DBF4: variants seen among roughly 807,000 people sequenced by gnomAD.
DBF4 encodes the protein protein DBF4 homolog A.
A neutral mutation model predicts 76.6 loss-of-function variants in DBF4; 25 were observed. The observed-to-expected ratio is 0.33, with a 90% CI of 0.24 to 0.46. The LOEUF is 0.46. DBF4 is among the 20% of genes least tolerant of loss of function. The pLI is 1.00. For synonymous variants in DBF4, 213 were observed against 258.0 expected (o/e 0.83, Z 1.67); for missense variants, 638 against 760.8 (o/e 0.84, Z 1.90).
rs1839964951 is a variant in DBF4, at chr7:87,908,507, T to C, written c.*344T>C. 6.2e-6 allele frequency: 1 copy of C among 160,650 alleles called. No homozygotes were observed. Among genetic ancestry groups the C allele is most frequent in the African/African-American group, 2.4e-5 (1 of 41,894 alleles). The allele number at this position is 160,650 out of a possible 1,614,324, so 10.0% of individuals were successfully genotyped here. ...TATACATTTGGATATTCTAGTTGTA[T>C]TGTAAATTTTAAAAGATTATCAGGA... On this transcript the variant is annotated 3_prime_UTR_variant, in exon 12 of 12. Coordinates refer to ENST00000265728, the MANE Select transcript of DBF4 (RefSeq NM_006716.4).
chr7:87,894,670 T>G (rs1423184588), intron 6 of DBF4, among the ~76,000 whole-genome samples: 1 of 152,166 alleles, frequency 6.6e-6, no homozygotes, highest in Non-Finnish European at 1.5e-5. Context: ...GATCATATCT[T>G]TACTGGAAAA....
At chr7:87,903,266 G>A (rs1284336133) in intron 10 of DBF4, among the ~76,000 whole-genome samples, 2 of 152,076 alleles carry the variant, frequency 1.3e-5, no homozygotes, top group South Asian at 2.1e-4. Flanking sequence ...TTTTAGTAGA[G>A]ACGGGATTTC....
intron 11 of DBF4, among the ~76,000 whole-genome samples, chr7:87,906,001 A>G (rs76611390): frequency 1.1e-4 from 15 of 141,514 alleles, no homozygotes; most frequent in South Asian, 2.2e-4. Flanking sequence ...ATCTCCACTG[A>G]AAAAAAAAAA....
At chr7:87,906,924 G>T (rs1209694609) in intron 11 of DBF4, among the ~76,000 whole-genome samples, 1 of 152,080 alleles carries the variant, frequency 6.6e-6, no homozygotes, top group Admixed American at 6.6e-5. Context: ...CAGGATATTG[G>T]TTATCTGGGA....
At chr7:87,888,252 A>G (rs763386057) in intron 6 of DBF4, 193 bp downstream of exon 6, 466 of 973,532 alleles carry the variant, frequency 4.8e-4, no homozygotes, top group Non-Finnish European at 5.4e-4. Flanking sequence ...TGTTCCTGGA[A>G]TAGTGGCATA....
chr7:87,903,624 GAAGACAAAGT>G (rs1480927188), intron 10 of DBF4, among the ~76,000 whole-genome samples: 1 of 150,230 alleles, frequency 6.7e-6, no homozygotes, highest in African/African-American at 2.4e-5. Context: ...ATAATTGCAT[GAAGACAAAGT>G]AATAGAGGGA....
rs563694660 is a variant in DBF4 at position 87,898,021 on chromosome 7, G to A, written c.680+682G>A. 4.6e-5 allele frequency among the ~76,000 whole-genome samples: 7 copies of A among 152,228 alleles called. No individual in the cohort carries two copies. The East Asian group carries it at 5.8e-4, about 13-fold the overall frequency. ...TCTAACTCTTGACCTCAAGTGATCC[G>A]CCTGCCTCAGCCTCCCAAAGTGCGG... On this transcript the variant is annotated intron_variant, in intron 8 of 11. Coordinates refer to ENST00000265728, the MANE Select transcript of DBF4 (RefSeq NM_006716.4).
At chr7:87,906,441 T>A (rs1839918417) in intron 11 of DBF4, among the ~76,000 whole-genome samples, 1 of 152,128 alleles carries the variant, frequency 6.6e-6, no homozygotes, top group South Asian at 2.1e-4. Context: ...GGAAAAATTG[T>A]ATTATTTCTC....
At chr7:87,904,883 C>T (rs1000569876) in intron 11 of DBF4, among the ~76,000 whole-genome samples, 7 of 152,300 alleles carry the variant, frequency 4.6e-5, no homozygotes, top group South Asian at 4.1e-4. Flanking sequence ...TATCAAAGAT[C>T]CTTACCTTAG....
chr7:87,901,337 AG>A (rs1323978246), intron 10 of DBF4, among the ~76,000 whole-genome samples: 1 of 152,190 alleles, frequency 6.6e-6, no homozygotes, highest in African/African-American at 2.4e-5. Context: ...TATTGAGATA[AG>A]TAAGTGCAAA....
intron 2 of DBF4, among the ~76,000 whole-genome samples, chr7:87,881,145 G>A (rs547432699): frequency 1.3e-5 from 2 of 152,308 alleles, no homozygotes; most frequent in African/African-American, 4.8e-5. Flanking sequence ...GGAGGCTCAC[G>A]CATGTAATCC....
At position 87,902,480 on chromosome 7, in the gene DBF4, T is replaced by C. The variant is rs924300660; in HGVS notation, c.924+1602T>C. On this transcript the variant is annotated intron_variant, in intron 10 of 11. Coordinates refer to ENST00000265728, the MANE Select transcript of DBF4 (RefSeq NM_006716.4). ...TGGCAGTGTAGATAGATAGAAAATATGTATTTGCAAGTGTGATGAGTTTCA... is the reference window on the plus strand; with the variant it reads ...TGGCAGTGTAGATAGATAGAAAATACGTATTTGCAAGTGTGATGAGTTTCA... Among the ~76,000 whole-genome samples the C allele has an allele frequency of 2.6e-5, 4 of 152,206 alleles. No individual in the cohort carries two copies. In the East Asian group the frequency reaches 5.8e-4, roughly 22 times the overall value.
intron 2 of DBF4, among the ~76,000 whole-genome samples, chr7:87,883,458 C>T (rs187070565): frequency 5.9e-5 from 9 of 152,050 alleles, no homozygotes; most frequent in Non-Finnish European, 1.0e-4. Context: ...TATAGGAGAT[C>T]GGGTTTCTTA....
chr7:87,901,027 A>T, intron 10 of DBF4, 149 bp downstream of exon 10: 1 of 656,220 alleles, frequency 1.5e-6, no homozygotes. Context: ...TATTCAGCAA[A>T]TACTGAGCGT....
In DBF4 at chr7:87,876,546, C is replaced by G; in HGVS notation, c.-187C>G. The G allele has an allele frequency of 1.6e-6, 1 of 625,888 alleles. No homozygotes were observed. Among genetic ancestry groups the G allele is most frequent in the Non-Finnish European group, 2.8e-6 (1 of 354,098 alleles). 38.8% of individuals were successfully genotyped at this position (625,888 alleles called of 1,614,324 possible). A position where few individuals can be genotyped will look rare whatever the true frequency, so the allele number is the denominator to read the frequency against. On this transcript the variant is annotated 5_prime_UTR_variant, in exon 1 of 12. Transcript: ENST00000265728. ...TTGTGCTTTGCGCCTTCCTCCTCCG[C>G]GCCTTGGAGCCGGATCCGGCCCCGG...
chr7:87,881,510 A>G (rs1839213250), intron 2 of DBF4, among the ~76,000 whole-genome samples: 1 of 152,262 alleles, frequency 6.6e-6, no homozygotes, highest in Non-Finnish European at 1.5e-5. Flanking sequence ...TAATAATACA[A>G]CATAGAATGT....
rs755702920 is a variant in DBF4, at chr7:87,888,077, A to G, written c.597+18A>G. 3.0e-5 allele frequency: 47 copies of G among 1,542,386 alleles called. No homozygotes were observed. Among genetic ancestry groups the G allele is most frequent in the Admixed American group, 9.2e-5 (4 of 43,348 alleles). ...GAGATGGGGTATGTTTTCTTTTTCA[A>G]TTTTTAAAGTGACCAAGCTTGGTTT... On this transcript the variant is annotated intron_variant, in intron 6 of 11. Transcript: ENST00000265728.
In DBF4 at chr7:87,896,461, T is replaced by G. The variant is rs1554326824; in HGVS notation, c.598-13T>G. ...TTTCAAAGCCAATCTTTTCACTATA[T>G]ATTTTTTTTTAGGGCAAAAGAGTTG... On this transcript the variant is annotated splice_polypyrimidine_tract_variant and intron_variant, in intron 6 of 11. Coordinates refer to ENST00000265728, the MANE Select transcript of DBF4 (RefSeq NM_006716.4). 3 of 1,604,480 alleles carry G rather than the reference T, an allele frequency of 1.9e-6. No homozygotes were observed. Among genetic ancestry groups the G allele is most frequent in the Non-Finnish European group, 2.6e-6 (3 of 1,173,736 alleles).
At chr7:87,879,047 ATTC>A (rs1328112109) in intron 2 of DBF4, among the ~76,000 whole-genome samples, 2 of 152,106 alleles carry the variant, frequency 1.3e-5, no homozygotes, top group Admixed American at 1.3e-4. Flanking sequence ...GGTTCAAGTG[ATTC>A]TTGTGCCTCA....
Sources: allele counts gnomAD v4.1 joint callset (sites outside exome capture counted in the v4.1 genomes callset), GRCh38; gene constraint gnomAD v4.1.1; transcripts MANE v1.5; gene names NCBI Gene and HGNC (gene_info 2026-07-23, HGNC 2026-07-21).